MFN1: variants seen among roughly 807,000 people sequenced by gnomAD.
MFN1 encodes mitofusin 1.
In MFN1, 65 loss-of-function variants were observed where a neutral mutation model predicts 92.4. That is an observed-to-expected ratio of 0.70 (90% CI 0.58 to 0.86). The LOEUF (loss-of-function observed/expected upper bound fraction) is 0.86. Ranked by LOEUF, MFN1 falls within the 40% of genes least tolerant of loss-of-function variation. MFN1 has a pLI of 0.00. For synonymous variants in MFN1, 297 were observed against 300.9 expected (o/e 0.99, Z 0.13); for missense variants, 781 against 868.0 (o/e 0.90, Z 1.26).
Position 179,348,876 on chromosome 3 carries a change from A to T in MFN1, c.25A>T (p.Lys9Ter). The T allele has an allele frequency of 1.9e-6, 3 of 1,610,042 alleles. No homozygotes were observed. The highest frequency in any genetic ancestry group is 2.5e-6 in the Non-Finnish European group (3 of 1,176,888). MAEPVSPL[K>*]HFVLAKKAIT... is the part of the protein sequence containing the mutation. ...AATGGCAGAACCTGTTTCTCCACTGAAGCACTTTGTGCTGGCTAAGAAGGC... is the reference window on the plus strand; with the variant it reads ...AATGGCAGAACCTGTTTCTCCACTGTAGCACTTTGTGCTGGCTAAGAAGGC... The change falls in exon 2 of 18, where the codon AAG becomes TAG. Residue 9 changes from lysine (K) to a stop codon, truncating the protein, a stop_gained. Coordinates refer to ENST00000471841, the MANE Select transcript of MFN1 (RefSeq NM_033540.3). LOFTEE classifies it high-confidence loss of function.
intron 3 of MFN1, among the ~76,000 whole-genome samples, chr3:179,357,588 T>C (rs145354061): frequency 1.3e-5 from 2 of 152,272 alleles, no homozygotes; most frequent in South Asian, 2.1e-4. Context: ...GCCGAAAAGA[T>C]AGGATGCTTT....
At chr3:179,374,945 AC>A (rs1444878374) in intron 9 of MFN1, among the ~76,000 whole-genome samples, 1 of 152,160 alleles carries the variant, frequency 6.6e-6, no homozygotes, top group Non-Finnish European at 1.5e-5. Flanking sequence ...TGAAAATAGT[AC>A]CCTGTTTATT....
chr3:179,373,329 T>C (rs1348445604), intron 9 of MFN1, among the ~76,000 whole-genome samples: 1 of 152,150 alleles, frequency 6.6e-6, no homozygotes, highest in African/African-American at 2.4e-5. Flanking sequence ...TGAATGCACG[T>C]GTAGCATCCT....
chr3:179,378,218 C>CA (rs35435588), intron 12 of MFN1, 123 bp from the exon 13 acceptor site: 225,362 of 611,500 alleles, frequency 0.37, 17,158 homozygotes, highest in African/African-American at 0.54. Context: ...GACCCTGTCT[C>CA]AAAAAAAAAA....
In MFN1 at chr3:179,392,791, TAGG is replaced by T. The variant is rs2108564945; in HGVS notation, c.*735_*737del. 1 of 152,328 alleles carries T rather than the reference TAGG, an allele frequency of 6.6e-6. No homozygotes were observed. The highest frequency in any genetic ancestry group is 1.9e-4 in the East Asian group (1 of 5,190). 9.4% of individuals were successfully genotyped at this position (152,328 alleles called of 1,614,324 possible). ...TTGAAGAGATAAAAATAGCCAAAGA[TAGG>T]AGACGTCTGAATTTTGAATGATAAA... On this transcript the variant is annotated 3_prime_UTR_variant, in exon 18 of 18. Coordinates refer to ENST00000471841, the MANE Select transcript of MFN1 (RefSeq NM_033540.3).
At chr3:179,369,026 AC>A (rs979141822) in intron 9 of MFN1, among the ~76,000 whole-genome samples, 1 of 152,200 alleles carries the variant, frequency 6.6e-6, no homozygotes, top group African/African-American at 2.4e-5. Context: ...ATGAAGACAA[AC>A]TGGAAGAAAG....
At chr3:179,374,209 A>G (rs1713131825) in intron 9 of MFN1, among the ~76,000 whole-genome samples, 2 of 150,976 alleles carry the variant, frequency 1.3e-5, no homozygotes, top group South Asian at 4.2e-4. Flanking sequence ...AGGCTAAAGT[A>G]GGAGAATCAC....
At chr3:179,357,132 G>A (rs148740255) in intron 3 of MFN1, among the ~76,000 whole-genome samples, 182 of 152,080 alleles carry the variant, frequency 1.2e-3, no homozygotes, top group African/African-American at 4.3e-3. Flanking sequence ...GGATCTGGGG[G>A]CCCAAAAAAC....
At chr3:179,354,195 G>C (rs1712261321) in intron 3 of MFN1, among the ~76,000 whole-genome samples, 1 of 152,172 alleles carries the variant, frequency 6.6e-6, no homozygotes, top group Non-Finnish European at 1.5e-5. Context: ...ATGAGAAATA[G>C]GTATAGCTTT....
Position 179,348,931 on chromosome 3 carries a change from A to G in MFN1, c.80A>G (p.Glu27Gly). The G allele has an allele frequency of 6.3e-7, 1 of 1,597,712 alleles. No homozygotes were observed. Among genetic ancestry groups the G allele is most frequent in the South Asian group, 1.1e-5 (1 of 90,338 alleles). ...ACTGCAATCTTTGACCAGTTACTGG[A>G]GTTTGTTACTGAAGGATCACATTTT... ...AITAIFDQLLEFVTEGSHFVE... is the reference protein window; with the variant it reads ...AITAIFDQLLGFVTEGSHFVE... Residue 27 changes from glutamate to glycine, a missense_variant, in exon 2 of 18, where the codon GAG becomes GGG. Glu to Gly is a moderately conservative substitution (Grantham distance 98, BLOSUM62 -2). Transcript: ENST00000471841.
intron 9 of MFN1, among the ~76,000 whole-genome samples, chr3:179,374,698 T>C (rs1412044089): frequency 6.6e-6 from 1 of 152,176 alleles, no homozygotes; most frequent in Non-Finnish European, 1.5e-5. Context: ...CATTGTTAAA[T>C]GTTAGCTTTC....
chr3:179,387,627 T>C (rs1713740522), intron 16 of MFN1, among the ~76,000 whole-genome samples: 1 of 127,246 alleles, frequency 7.9e-6, no homozygotes, highest in Non-Finnish European at 1.6e-5. Context: ...AGATGGAGTC[T>C]CAGTTGCCCA....
At chr3:179,385,307 G>C (rs1713636271) in intron 14 of MFN1, among the ~76,000 whole-genome samples, 2 of 148,828 alleles carry the variant, frequency 1.3e-5, no homozygotes, top group South Asian at 4.2e-4. Flanking sequence ...AACACACTTT[G>C]TTCCTCTTGA....
intron 17 of MFN1, among the ~76,000 whole-genome samples, chr3:179,390,546 T>C (rs1461431862): frequency 1.3e-5 from 2 of 152,218 alleles, no homozygotes; most frequent in African/African-American, 4.8e-5. Flanking sequence ...ACTTAAATCA[T>C]AAAAGTAAGA....
chr3:179,371,997 G>A (rs531951323), intron 9 of MFN1, among the ~76,000 whole-genome samples: 37 of 147,622 alleles, frequency 2.5e-4, no homozygotes, highest in African/African-American at 8.9e-4. Flanking sequence ...ATATATATGG[G>A]GGTCATACAT....
intron 2 of MFN1, among the ~76,000 whole-genome samples, chr3:179,351,092 C>T (rs1712129762): frequency 6.6e-6 from 1 of 152,120 alleles, no homozygotes; most frequent in South Asian, 2.1e-4. Context: ...GGCGTGAGCC[C>T]CCACGCCCAC....
intron 1 of MFN1, among the ~76,000 whole-genome samples, chr3:179,348,320 T>G (rs1426653357): frequency 6.6e-6 from 1 of 152,256 alleles, no homozygotes; most frequent in East Asian, 1.9e-4. Flanking sequence ...CTATGCTTTC[T>G]TAAACTTATA....
intron 14 of MFN1, among the ~76,000 whole-genome samples, chr3:179,382,928 T>C (rs1408369374): frequency 2.0e-5 from 3 of 152,246 alleles, no homozygotes; most frequent in Non-Finnish European, 4.4e-5. Context: ...TGTTTTTTTC[T>C]TGTAAATTTG....
intron 9 of MFN1, among the ~76,000 whole-genome samples, chr3:179,369,274 C>T (rs1712927905): frequency 6.6e-6 from 1 of 152,052 alleles, no homozygotes; most frequent in South Asian, 2.1e-4. Context: ...TGCAGTTGGG[C>T]AATCATAGCG....
Sources: gnomAD v4.1 joint callset for allele counts (sites outside exome capture counted in the v4.1 genomes callset) on GRCh38, gnomAD v4.1.1 for gene constraint, MANE v1.5 for transcripts, NCBI Gene and HGNC (gene_info 2026-07-23, HGNC 2026-07-21) for gene names.